NXPE2: variants seen among roughly 807,000 people sequenced by gnomAD.
The protein encoded by NXPE2 is NXPE family member 2.
NXPE2 carries 34 observed loss-of-function variants against 34.4 expected under a neutral mutation model. The ratio of observed to expected loss-of-function variants is 0.99; its 90% CI spans 0.75 to 1.31. NXPE2 has a LOEUF of 1.31. NXPE2 is among the 40% of genes most tolerant of loss of function. NXPE2 has a pLI of 0.00. For missense variants in NXPE2, 649 were observed against 672.5 expected (o/e 0.97, Z 0.39); for synonymous variants, 235 against 231.3 (o/e 1.02, Z -0.15).
the NXPE2 span, among the ~76,000 whole-genome samples, chr11:114,604,183 T>C: frequency 6.6e-6 from 1 of 152,090 alleles, no homozygotes; most frequent in Admixed American, 6.6e-5. Context: ...TAACTACTGT[T>C]ACCTGGTGGA....
the NXPE2 span, among the ~76,000 whole-genome samples, chr11:114,804,504 A>G: frequency 2.0e-5 from 3 of 152,184 alleles, no homozygotes; most frequent in African/African-American, 7.2e-5. Flanking sequence ...AAGCAATCAC[A>G]TTTTATGAGT....
chr11:114,643,821 G>A, the NXPE2 span, among the ~76,000 whole-genome samples: 1 of 152,052 alleles, frequency 6.6e-6, no homozygotes, highest in Admixed American at 6.6e-5. Flanking sequence ...TAGCTTGATG[G>A]GGATAGCAGT....
chr11:114,530,926 G>A, the NXPE2 span: 1 of 1,572,584 alleles, frequency 6.4e-7, no homozygotes, highest in East Asian at 2.2e-5. Flanking sequence ...GACAAGGATT[G>A]TGATATACTA....
chr11:114,714,606 A>AGTTTTCT, the NXPE2 span, among the ~76,000 whole-genome samples: 9 of 152,316 alleles, frequency 5.9e-5, no homozygotes, highest in South Asian at 1.5e-3. Context: ...TCGGCTCTGC[A>AGTTTTCT]GTTTTCTGTT....
intron 3 of NXPE2, among the ~76,000 whole-genome samples, chr11:114,702,040 A>G (rs565773325): frequency 1.2e-4 from 19 of 152,276 alleles, no homozygotes; most frequent in Non-Finnish European, 2.1e-4. Context: ...CCTTGGCTGA[A>G]GAATCAGAAA....
the NXPE2 span, chr11:114,582,893 GA>G: frequency 1.9e-6 from 3 of 1,614,136 alleles, no homozygotes; most frequent in Non-Finnish European, 2.5e-6. Context: ...GTTTCTCTAT[GA>G]TTTCCTTTAT....
chr11:114,786,182 C>T, the NXPE2 span, among the ~76,000 whole-genome samples: 9 of 152,152 alleles, frequency 5.9e-5, no homozygotes, highest in East Asian at 5.8e-4. Context: ...CCCTGCATTG[C>T]GGTGCTGATC....
chr11:114,593,524 A>C, the NXPE2 span, among the ~76,000 whole-genome samples: 2 of 152,186 alleles, frequency 1.3e-5, no homozygotes, highest in Non-Finnish European at 2.9e-5. Flanking sequence ...ACAGATAGTA[A>C]CATATGCTAG....
At chr11:114,645,077 G>A in the NXPE2 span, among the ~76,000 whole-genome samples, 2 of 151,768 alleles carry the variant, frequency 1.3e-5, no homozygotes, top group Non-Finnish European at 1.5e-5. Context: ...TGAGGCAGGC[G>A]GATTCCTTGA....
At chr11:114,611,872 G>A in the NXPE2 span, among the ~76,000 whole-genome samples, 1 of 150,928 alleles carries the variant, frequency 6.6e-6, no homozygotes, top group East Asian at 2.0e-4. Context: ...CCTGGTGTAT[G>A]AGAAATATTG....
At chr11:114,739,284 C>T in the NXPE2 span, among the ~76,000 whole-genome samples, 1 of 3,580 alleles carries the variant, frequency 2.8e-4, no homozygotes, top group Non-Finnish European at 1.2e-3. Flanking sequence ...CATTATTTTC[C>T]TTCCTTCCTT....
chr11:114,490,989 C>T, the NXPE2 span, among the ~76,000 whole-genome samples: 6 of 149,436 alleles, frequency 4.0e-5, no homozygotes, highest in Admixed American at 6.7e-5. Flanking sequence ...GGTGAAACCC[C>T]GTCTCTACTA....
chr11:114,671,996 C>T, the NXPE2 span, among the ~76,000 whole-genome samples: 2 of 151,972 alleles, frequency 1.3e-5, no homozygotes, highest in Non-Finnish European at 2.9e-5. Flanking sequence ...AGAAAACTTA[C>T]AATCATGGTG....
the NXPE2 span, among the ~76,000 whole-genome samples, chr11:114,724,040 C>T: frequency 6.6e-6 from 1 of 152,140 alleles, no homozygotes; most frequent in African/African-American, 2.4e-5. Context: ...AACTAAGAAA[C>T]TTTCTGTTTC....
the NXPE2 span, among the ~76,000 whole-genome samples, chr11:114,622,121 G>T: frequency 4.3e-4 from 65 of 150,708 alleles, no homozygotes; most frequent in African/African-American, 1.6e-3. Flanking sequence ...CTGTTACTCG[G>T]TGGATAATAA....
At chr11:114,713,708 T>C in the NXPE2 span, among the ~76,000 whole-genome samples, 2 of 152,230 alleles carry the variant, frequency 1.3e-5, no homozygotes, top group Non-Finnish European at 2.9e-5. Flanking sequence ...TTTTCTTCGA[T>C]ACTGAATCAA....
At chr11:114,639,588 C>T in the NXPE2 span, among the ~76,000 whole-genome samples, 1 of 149,928 alleles carries the variant, frequency 6.7e-6, no homozygotes, top group Non-Finnish European at 1.5e-5. Context: ...TAGACTGGAG[C>T]TGTTCCTATT....
the NXPE2 span, among the ~76,000 whole-genome samples, chr11:114,590,204 C>T: frequency 6.6e-6 from 1 of 152,260 alleles, no homozygotes; most frequent in African/African-American, 2.4e-5. Context: ...TGCTCTGTGC[C>T]CCAACTGAGG....
the NXPE2 span, among the ~76,000 whole-genome samples, chr11:114,539,659 A>T: frequency 6.6e-6 from 1 of 152,282 alleles, no homozygotes; most frequent in Non-Finnish European, 1.5e-5. Flanking sequence ...TGATTAACTA[A>T]TTCCAAAATT....
Sources: gnomAD v4.1 joint callset for allele counts (sites outside exome capture counted in the v4.1 genomes callset) on GRCh38, gnomAD v4.1.1 for gene constraint, MANE v1.5 for transcripts, NCBI Gene and HGNC (gene_info 2026-07-23, HGNC 2026-07-21) for gene names.